Variants in SLC25A13 observed in about 807,000 individuals in gnomAD.
SLC25A13 encodes the protein electrogenic aspartate/glutamate antiporter SLC25A13, mitochondrial.
A neutral mutation model predicts 85.5 loss-of-function variants in SLC25A13; 70 were observed. The observed-to-expected ratio is 0.82, with a 90% CI of 0.68 to 1.00. The LOEUF is 1.00. SLC25A13 is among the 50% of genes least tolerant of loss of function. SLC25A13 has a pLI of 0.00. For missense variants in SLC25A13, 765 were observed against 819.8 expected (o/e 0.93, Z 0.82); for synonymous variants, 259 against 288.7 (o/e 0.90, Z 1.04).
At chr7:96,163,904 C>CAT (rs758019509) in intron 13 of SLC25A13, among the ~76,000 whole-genome samples, 2,667 of 150,890 alleles carry the variant, frequency 0.018, 68 homozygotes, top group African/African-American at 0.06. Context: ...TCTCTCTCTC[C>CAT]ATATATATAT....
chr7:96,221,748 G>A (rs761893937), intron 4 of SLC25A13, among the ~76,000 whole-genome samples: 14 of 152,160 alleles, frequency 9.2e-5, no homozygotes, highest in Admixed American at 2.0e-4. Context: ...AACCTGAATC[G>A]AAGTGACTGA....
At chr7:96,276,595 C>T (rs187669378) in intron 3 of SLC25A13, among the ~76,000 whole-genome samples, 12 of 152,186 alleles carry the variant, frequency 7.9e-5, no homozygotes, top group East Asian at 3.9e-4. Context: ...TGTACTCCAG[C>T]CCGAGCAACA....
chr7:96,233,591 T>G (rs1345476399), intron 4 of SLC25A13, among the ~76,000 whole-genome samples: 1 of 152,226 alleles, frequency 6.6e-6, no homozygotes, highest in Non-Finnish European at 1.5e-5. Flanking sequence ...CGAAGGGGGT[T>G]GGCACAATAA....
chr7:96,186,655 T>C (rs907459687), intron 9 of SLC25A13, among the ~76,000 whole-genome samples: 1 of 152,166 alleles, frequency 6.6e-6, no homozygotes, highest in African/African-American at 2.4e-5. Context: ...TCATTCAAAA[T>C]GATACTGTAA....
rs184307379 is a variant in SLC25A13, at chr7:96,239,010, T to C, written c.213-4093A>G. 3.1e-3 allele frequency among the ~76,000 whole-genome samples: 436 copies of C among 140,444 alleles called. 2 individuals carry two copies. Among genetic ancestry groups the C allele is most frequent in the African/African-American group, 5.8e-3 (217 of 37,374 alleles). 92.1% of individuals were successfully genotyped at this position (140,444 alleles called of 152,430 possible). A position where few individuals can be genotyped will look rare whatever the true frequency, so the allele number is the denominator to read the frequency against. On this transcript the variant is annotated intron_variant, in intron 3 of 17. Coordinates refer to ENST00000265631, the MANE Select transcript of SLC25A13 (RefSeq NM_014251.3). Reference sequence around the variant, plus strand: ...ATAATATATAAAGACATATATATAATATATATTATATATATGACTATATAT... The same window carrying C: ...ATAATATATAAAGACATATATATAACATATATTATATATATGACTATATAT...
At chr7:96,126,070 C>T (rs1024805058) in intron 15 of SLC25A13, among the ~76,000 whole-genome samples, 3 of 152,028 alleles carry the variant, frequency 2.0e-5, no homozygotes, top group Non-Finnish European at 4.4e-5. Flanking sequence ...TATTCAAGTT[C>T]AAAGGATAGG....
intron 3 of SLC25A13, among the ~76,000 whole-genome samples, chr7:96,255,831 T>A (rs977276828): frequency 6.6e-6 from 1 of 152,084 alleles, no homozygotes; most frequent in African/African-American, 2.4e-5. Context: ...GAAAGAAAGG[T>A]CGGATTACCC....
intron 3 of SLC25A13, among the ~76,000 whole-genome samples, chr7:96,248,420 G>A (rs966997798): frequency 1.3e-5 from 2 of 152,160 alleles, no homozygotes; most frequent in African/African-American, 4.8e-5. Context: ...AAGAGAGAGG[G>A]TGGCCAAGAA....
chr7:96,218,287 GA>G (rs1187452675), intron 4 of SLC25A13, among the ~76,000 whole-genome samples: 1 of 152,048 alleles, frequency 6.6e-6, no homozygotes, highest in East Asian at 1.9e-4. Context: ...AATTTTGAAT[GA>G]AAAGTGATCA....
chr7:96,135,741 A>C (rs1006461357), intron 14 of SLC25A13, among the ~76,000 whole-genome samples: 2 of 152,180 alleles, frequency 1.3e-5, no homozygotes, highest in African/African-American at 4.8e-5. Context: ...TGCATCAGCA[A>C]CACAAAAATA....
intron 4 of SLC25A13, among the ~76,000 whole-genome samples, chr7:96,220,097 T>C (rs1222489254): frequency 6.6e-6 from 1 of 152,188 alleles, no homozygotes; most frequent in Non-Finnish European, 1.5e-5. Context: ...TTTAATCATC[T>C]GCTGTGTGTT....
At chr7:96,135,045 C>T (rs1792216273) in intron 14 of SLC25A13, among the ~76,000 whole-genome samples, 1 of 151,984 alleles carries the variant, frequency 6.6e-6, no homozygotes, top group African/African-American at 2.4e-5. Flanking sequence ...CACCCCTAGC[C>T]ATGTGATGAG....
intron 11 of SLC25A13, among the ~76,000 whole-genome samples, chr7:96,184,017 G>C (rs1021106634): frequency 2.0e-5 from 3 of 152,026 alleles, no homozygotes; most frequent in Non-Finnish European, 2.9e-5. Flanking sequence ...AAAAATTCAC[G>C]GAAGATGCTT....
rs373871911 is a variant in SLC25A13 at position 96,217,901 on chromosome 7, G to GAAAA, written c.329-8928_329-8925dup. 5.4e-3 allele frequency among the ~76,000 whole-genome samples: 521 copies of GAAAA among 96,176 alleles called. 5 individuals carry two copies. Among genetic ancestry groups the GAAAA allele is most frequent in the African/African-American group, 0.017 (477 of 27,490 alleles). The allele number at this position is 96,176 out of a possible 152,430, so 63.1% of individuals were successfully genotyped here. On this transcript the variant is annotated intron_variant, in intron 4 of 17. Transcript: ENST00000265631. ...ATTATATCTCAACAAAGCTTTCTCTGAAAAAAAAAAACAAAAAACACCTAG... is the reference window on the plus strand; with the variant it reads ...ATTATATCTCAACAAAGCTTTCTCTGAAAAAAAAAAAAAAACAAAAAACACCTAG...
intron 9 of SLC25A13, among the ~76,000 whole-genome samples, chr7:96,186,505 G>A (rs1380408292): frequency 2.6e-5 from 4 of 152,116 alleles, no homozygotes; most frequent in Non-Finnish European, 5.9e-5. Context: ...AAAAACATTT[G>A]TAGTACTTAT....
intron 2 of SLC25A13, among the ~76,000 whole-genome samples, chr7:96,285,081 G>C (rs984111602): frequency 6.6e-6 from 1 of 151,162 alleles, no homozygotes; most frequent in Non-Finnish European, 1.5e-5. Context: ...TTCCTCCCTC[G>C]AGCTACTGGC....
In SLC25A13 at chr7:96,157,178, C is replaced by T. The variant is rs564929758; in HGVS notation, c.1312-10482G>A. On this transcript the variant is annotated intron_variant, in intron 13 of 17. Coordinates refer to ENST00000265631, the MANE Select transcript of SLC25A13 (RefSeq NM_014251.3). ...AAGTCCAAGCGCCAAGCTTCTCAAA[C>T]GCACAGCATTCTACTGATACGAAGC... Among the ~76,000 whole-genome samples, 14 of 152,270 alleles carry T rather than the reference C, an allele frequency of 9.2e-5. 1 individual carries two copies. The highest frequency in any genetic ancestry group is 4.1e-4 in the South Asian group (2 of 4,826).
At chr7:96,131,704 G>A (rs1792036365) in intron 15 of SLC25A13, 39 bp downstream of exon 15, 3 of 1,612,810 alleles carry the variant, frequency 1.9e-6, no homozygotes, top group Admixed American at 3.3e-5. Context: ...GGGGCAGCAA[G>A]GGTCAGGGAA....
intron 3 of SLC25A13, among the ~76,000 whole-genome samples, chr7:96,243,496 C>T (rs973408134): frequency 2.6e-5 from 4 of 152,110 alleles, no homozygotes; most frequent in Non-Finnish European, 2.9e-5. Flanking sequence ...GCTTCTCAGC[C>T]CCAGATACTC....
Sources: gnomAD v4.1 joint callset for allele counts (sites outside exome capture counted in the v4.1 genomes callset) on GRCh38, gnomAD v4.1.1 for gene constraint, MANE v1.5 for transcripts, NCBI Gene and HGNC (gene_info 2026-07-23, HGNC 2026-07-21) for gene names.